The following DLG2 variants were observed in gnomAD, a reference collection of about 807,000 sequenced individuals.
DLG2 encodes discs large MAGUK scaffold protein 2, also known as disks large homolog 2.
DLG2 carries 45 observed loss-of-function variants against 132.5 expected under a neutral mutation model. The observed-to-expected ratio is 0.34, with a 90% CI of 0.27 to 0.44. The LOEUF is 0.44. DLG2 is among the 20% of genes least tolerant of loss of function. DLG2 has a pLI of 1.00. For missense variants in DLG2, 1,045 were observed against 1,196.9 expected (o/e 0.87, Z 1.87); for synonymous variants, 424 against 419.6 (o/e 1.01, Z -0.13).
intron 8 of DLG2, among the ~76,000 whole-genome samples, chr11:84,185,377 GTTAT>G (rs961879088): frequency 6.6e-6 from 1 of 152,108 alleles, no homozygotes; most frequent in African/African-American, 2.4e-5. Flanking sequence ...CTGTTTGTCT[GTTAT>G]TTGTGTATAA....
chr11:83,874,966 TA>T (rs2064388461), intron 15 of DLG2, among the ~76,000 whole-genome samples: 2 of 152,154 alleles, frequency 1.3e-5, no homozygotes, highest in Non-Finnish European at 2.9e-5. Context: ...ACACAGAGCA[TA>T]AAAACATACA....
intron 7 of DLG2, among the ~76,000 whole-genome samples, chr11:84,283,522 T>C (rs973385198): frequency 1.3e-5 from 2 of 152,214 alleles, no homozygotes; most frequent in Non-Finnish European, 2.9e-5. Flanking sequence ...GATCTAAGAT[T>C]AAATTCACAT....
chr11:85,110,096 A>G (rs2072460743), intron 6 of DLG2, among the ~76,000 whole-genome samples: 1 of 152,108 alleles, frequency 6.6e-6, no homozygotes, highest in Non-Finnish European at 1.5e-5. Context: ...TCCATGGAGA[A>G]ACAGATGTAG....
At chr11:84,964,765 G>A (rs911555925) in intron 6 of DLG2, among the ~76,000 whole-genome samples, 4 of 151,972 alleles carry the variant, frequency 2.6e-5, no homozygotes, top group African/African-American at 4.8e-5. Context: ...GAAAACAGAG[G>A]CTTAGGTTAA....
At chr11:83,644,510 A>G (rs550395403) in intron 18 of DLG2, among the ~76,000 whole-genome samples, 11 of 152,220 alleles carry the variant, frequency 7.2e-5, no homozygotes. Context: ...TTCTCCCTCA[A>G]TCTGAAGATT....
intron 6 of DLG2, among the ~76,000 whole-genome samples, chr11:84,861,642 A>AC (rs2083702281): frequency 7.8e-6 from 1 of 128,316 alleles, no homozygotes; most frequent in South Asian, 2.5e-4. Context: ...AAAAAAAACA[A>AC]AAAAAAAAAC....
intron 19 of DLG2, among the ~76,000 whole-genome samples, chr11:83,582,118 G>A (rs2096989545): frequency 2.0e-5 from 3 of 151,728 alleles, no homozygotes; most frequent in African/African-American, 4.8e-5. Flanking sequence ...CATCACACCC[G>A]GCTAATTTTG....
At chr11:85,026,995 T>C (rs2060582584) in intron 6 of DLG2, among the ~76,000 whole-genome samples, 1 of 151,972 alleles carries the variant, frequency 6.6e-6, no homozygotes, top group Admixed American at 6.6e-5. Context: ...TAACAAAGGA[T>C]TATAAATAAT....
intron 9 of DLG2, among the ~76,000 whole-genome samples, chr11:84,161,359 G>A (rs2095542804): frequency 6.6e-6 from 1 of 152,168 alleles, no homozygotes; most frequent in East Asian, 1.9e-4. Flanking sequence ...GGCTAAAGAA[G>A]TTTCAATGAG....
rs562510312 is a variant in DLG2 at position 85,119,084 on chromosome 11, C to A, written c.283-7349G>T. Among the ~76,000 whole-genome samples the A allele has an allele frequency of 2.6e-5, 4 of 151,880 alleles. No homozygotes were observed. In the South Asian group the frequency reaches 6.2e-4, roughly 24 times the overall value. On this transcript the variant is annotated intron_variant, in intron 5 of 27. Coordinates refer to ENST00000376104, the MANE Select transcript of DLG2 (RefSeq NM_001142699.3). ...TAGTAATATTTATCTCACAAGGTTACTATGAAAATTAAATGAGAAAAAGTA... is the reference window on the plus strand; with the variant it reads ...TAGTAATATTTATCTCACAAGGTTAATATGAAAATTAAATGAGAAAAAGTA...
At chr11:85,555,374 A>G (rs993998793) in intron 3 of DLG2, among the ~76,000 whole-genome samples, 1 of 151,902 alleles carries the variant, frequency 6.6e-6, no homozygotes, top group African/African-American at 2.4e-5. Context: ...AATTCTTTAT[A>G]AAGCTCATGT....
chr11:84,741,803 A>G (rs771846614), intron 6 of DLG2, among the ~76,000 whole-genome samples: 3 of 152,198 alleles, frequency 2.0e-5, no homozygotes, highest in Non-Finnish European at 4.4e-5. Flanking sequence ...ATCCTTTAGT[A>G]ACAGACTCTA....
rs539069888 is a variant in DLG2 at position 84,559,757 on chromosome 11, C to T, written c.358-25026G>A. Among the ~76,000 whole-genome samples, 17 of 152,212 alleles carry T rather than the reference C, an allele frequency of 1.1e-4. 1 individual carries two copies. The South Asian group carries it at 2.9e-3, about 26-fold the overall frequency. ...GAATATAACTATTTCCTGATCAATACATTTTTTGCATTTTATCTTCTTGGG... is the reference window on the plus strand; with the variant it reads ...GAATATAACTATTTCCTGATCAATATATTTTTTGCATTTTATCTTCTTGGG... On this transcript the variant is annotated intron_variant, in intron 6 of 27. Coordinates refer to ENST00000376104, the MANE Select transcript of DLG2 (RefSeq NM_001142699.3).
At chr11:83,685,540 AC>A (rs1435304690) in intron 18 of DLG2, among the ~76,000 whole-genome samples, 4 of 151,994 alleles carry the variant, frequency 2.6e-5, no homozygotes, top group Non-Finnish European at 5.9e-5. Context: ...CTATCCTTCT[AC>A]GTCTCCTTTG....
At chr11:83,475,955 A>C (rs1236559231) in intron 22 of DLG2, among the ~76,000 whole-genome samples, 1 of 152,102 alleles carries the variant, frequency 6.6e-6, no homozygotes, top group Non-Finnish European at 1.5e-5. Flanking sequence ...AGCAGCTGCC[A>C]GAGACTTCGC....
intron 4 of DLG2, among the ~76,000 whole-genome samples, chr11:85,253,302 A>G (rs2076491586): frequency 2.6e-5 from 4 of 152,222 alleles, no homozygotes; most frequent in African/African-American, 9.6e-5. Flanking sequence ...ATTTTTATAT[A>G]AGGCAAGTTA....
chr11:84,005,305 G>T (rs1236601390), intron 11 of DLG2, among the ~76,000 whole-genome samples: 1 of 151,766 alleles, frequency 6.6e-6, no homozygotes, highest in Non-Finnish European at 1.5e-5. Flanking sequence ...ACATGCAAAA[G>T]AATGAAACTG....
At chr11:83,480,283 T>G in intron 22 of DLG2, 1 of 1,062,840 alleles carries the variant, frequency 9.4e-7, no homozygotes, top group Non-Finnish European at 1.4e-6. Context: ...AGGTAGCAAT[T>G]GAAAAACAAC....
At chr11:85,355,818 C>T (rs1400472316) in intron 3 of DLG2, among the ~76,000 whole-genome samples, 1 of 152,164 alleles carries the variant, frequency 6.6e-6, no homozygotes, top group Non-Finnish European at 1.5e-5. Flanking sequence ...CTATCCAAGA[C>T]TAAGAGTTTA....
Sources: gnomAD v4.1 joint callset for allele counts (sites outside exome capture counted in the v4.1 genomes callset) on GRCh38, gnomAD v4.1.1 for gene constraint, MANE v1.5 for transcripts, NCBI Gene and HGNC (gene_info 2026-07-23, HGNC 2026-07-21) for gene names.